Variants in FER1L6 observed in about 807,000 individuals in gnomAD.
The protein encoded by FER1L6 is fer-1 like family member 6, also known as fer-1-like protein 6.
FER1L6 carries 177 observed loss-of-function variants against 219.2 expected under a neutral mutation model. The observed-to-expected ratio is 0.81, with a 90% CI of 0.71 to 0.91. The LOEUF (loss-of-function observed/expected upper bound fraction) is 0.91, where lower values mean the gene tolerates loss of function less well. Ranked by LOEUF, FER1L6 falls within the 40% of genes least tolerant of loss-of-function variation. The probability of loss-of-function intolerance (pLI) is 0.00; values close to 1 mark genes in which losing one functional copy is unlikely to be tolerated. For synonymous variants in FER1L6, 768 were observed against 824.3 expected (o/e 0.93, Z 1.17); for missense variants, 2,153 against 2,259.9 (o/e 0.95, Z 0.96).
chr8:124,008,502 A>G (rs777738158), intron 13 of FER1L6, among the ~76,000 whole-genome samples: 22 of 152,208 alleles, frequency 1.4e-4, no homozygotes, highest in Non-Finnish European at 2.2e-4. Flanking sequence ...TTCTACTTTT[A>G]GTTCTTTAAG....
chr8:124,042,046 C>T (rs978928427), intron 20 of FER1L6, among the ~76,000 whole-genome samples: 4 of 152,164 alleles, frequency 2.6e-5, no homozygotes, highest in African/African-American at 9.7e-5. Context: ...CTTCCTACAG[C>T]AAGGGAGTTC....
At chr8:123,988,126 G>A (rs1816684630) in intron 12 of FER1L6, among the ~76,000 whole-genome samples, 2 of 144,922 alleles carry the variant, frequency 1.4e-5, no homozygotes, top group African/African-American at 5.5e-5. Flanking sequence ...AAAAAAAAAA[G>A]AGTTCAGTAT....
At chr8:123,946,386 G>T (rs1400628747) in intron 1 of FER1L6, among the ~76,000 whole-genome samples, 1 of 152,066 alleles carries the variant, frequency 6.6e-6, no homozygotes, top group Non-Finnish European at 1.5e-5. Flanking sequence ...TGAGTAGCTG[G>T]GATTATAGGC....
intron 1 of FER1L6, among the ~76,000 whole-genome samples, chr8:123,935,863 A>G (rs918847999): frequency 1.3e-5 from 2 of 152,016 alleles, no homozygotes; most frequent in African/African-American, 4.8e-5. Flanking sequence ...TCATGTCTGT[A>G]GAGATGGGAA....
chr8:124,013,731 A>C (rs1033720667), intron 15 of FER1L6, 200 bp downstream of exon 15: 5 of 363,970 alleles, frequency 1.4e-5, no homozygotes, highest in East Asian at 4.8e-5. Context: ...TCAAACATAA[A>C]TCAAAGGTAG....
chr8:123,986,044 A>C, intron 11 of FER1L6, 24 bp from the exon 12 acceptor site: 1 of 1,365,332 alleles, frequency 7.3e-7, no homozygotes, highest in Non-Finnish European at 1.0e-6. Context: ...AGTTCTGCCT[A>C]ATAATTTTGT....
At chr8:124,119,473 T>C (rs1823390305) in intron 40 of FER1L6, 134 bp from the exon 41 acceptor site, 1 of 677,008 alleles carries the variant, frequency 1.5e-6, no homozygotes, top group Admixed American at 2.4e-5. Flanking sequence ...TCAGGCAACA[T>C]GCTCTTCTCC....
intron 39 of FER1L6, among the ~76,000 whole-genome samples, chr8:124,118,110 G>A (rs1392648077): frequency 6.6e-6 from 1 of 152,140 alleles, no homozygotes; most frequent in Non-Finnish European, 1.5e-5. Flanking sequence ...TAAGGCTCTA[G>A]TGCCTAGAAC....
chr8:124,119,186 T>C (rs1387686477), intron 40 of FER1L6, among the ~76,000 whole-genome samples: 1 of 152,144 alleles, frequency 6.6e-6, no homozygotes, highest in Non-Finnish European at 1.5e-5. Context: ...AACACATTCA[T>C]AAAATAGTTG....
intron 1 of FER1L6, among the ~76,000 whole-genome samples, chr8:123,947,834 T>A (rs1328104506): frequency 6.6e-6 from 1 of 152,192 alleles, no homozygotes; most frequent in Non-Finnish European, 1.5e-5. Flanking sequence ...GGAGAACACA[T>A]CACATCAAAG....
chr8:124,080,197 A>G (rs1821477441), intron 32 of FER1L6, among the ~76,000 whole-genome samples: 2 of 152,130 alleles, frequency 1.3e-5, no homozygotes, highest in Admixed American at 1.3e-4. Flanking sequence ...GGCCCATTTC[A>G]TGATGCATTC....
At chr8:123,975,122 G>T (rs1296154938) in intron 7 of FER1L6, 28 bp from the exon 8 acceptor site, 1 of 1,556,066 alleles carries the variant, frequency 6.4e-7, no homozygotes, top group South Asian at 1.2e-5. Context: ...ATCTGTGAAG[G>T]ATGTGAGCTG....
chr8:123,988,042 G>A (rs1816679445), intron 12 of FER1L6, among the ~76,000 whole-genome samples: 1 of 151,952 alleles, frequency 6.6e-6, no homozygotes, highest in African/African-American at 2.4e-5. Context: ...AGGTTGCAGT[G>A]AGCTGAGATT....
Position 123,963,399 on chromosome 8 carries a change from G to T in FER1L6, c.197+1G>T. The T allele has an allele frequency of 6.2e-7, 1 of 1,613,914 alleles. No individual in the cohort carries two copies. The highest frequency in any genetic ancestry group is 8.5e-7 in the Non-Finnish European group (1 of 1,179,846). On this transcript the variant is annotated splice_donor_variant, in intron 3 of 40. Transcript: ENST00000522917. LOFTEE classifies it high-confidence loss of function. The stretch of plus-strand genomic sequence containing the variant: ...TCCCCTCAGCTTCTCCAAAGAGAAG[G>T]TACAGTATGGATGCAGGTGGTCAAC...
chr8:123,891,317 T>A (rs1313610972), intron 1 of FER1L6, among the ~76,000 whole-genome samples: 2 of 152,254 alleles, frequency 1.3e-5, no homozygotes, highest in African/African-American at 4.8e-5. Flanking sequence ...AAGAAATTAC[T>A]GTGTGCTTGT....
chr8:124,082,257 C>T (rs770649510), intron 32 of FER1L6, 31 bp from the exon 33 acceptor site: 20 of 1,584,728 alleles, frequency 1.3e-5, no homozygotes, highest in Non-Finnish European at 1.7e-5. Flanking sequence ...CAAATGTTAA[C>T]TGACTCTTGA....
chr8:123,974,681 A>AAAAAAC, intron 7 of FER1L6, among the ~76,000 whole-genome samples: 1 of 148,526 alleles, frequency 6.7e-6, no homozygotes, highest in Non-Finnish European at 1.5e-5. Flanking sequence ...AAAAAAAAAA[A>AAAAAAC]AGAAATGTGA....
At chr8:124,061,131 T>C (rs1234260500) in intron 24 of FER1L6, among the ~76,000 whole-genome samples, 1 of 152,224 alleles carries the variant, frequency 6.6e-6, no homozygotes, top group Non-Finnish European at 1.5e-5. Flanking sequence ...TAGAAAATAC[T>C]GTAATAAGAT....
At chr8:123,940,366 G>A in intron 1 of FER1L6, among the ~76,000 whole-genome samples, 1 of 151,130 alleles carries the variant, frequency 6.6e-6, no homozygotes, top group South Asian at 2.1e-4. Flanking sequence ...TTTTTTTTTT[G>A]AGACAGCGTC....
Sources: gnomAD v4.1 joint callset for allele counts (sites outside exome capture counted in the v4.1 genomes callset) on GRCh38, gnomAD v4.1.1 for gene constraint, MANE v1.5 for transcripts, NCBI Gene and HGNC (gene_info 2026-07-23, HGNC 2026-07-21) for gene names.